The following GMFG variants were observed in gnomAD, a reference collection of about 807,000 sequenced individuals.
GMFG encodes the protein glia maturation factor gamma.
Under a neutral mutation model 26.1 loss-of-function variants are expected in GMFG, and 21 were observed. The observed-to-expected ratio is 0.80, with a 90% CI of 0.57 to 1.16. GMFG has a LOEUF of 1.16. Among genes scored for constraint, GMFG ranks in the 50% most tolerant of loss-of-function variants. The probability of loss-of-function intolerance (pLI) is 0.00; values close to 1 mark genes in which losing one functional copy is unlikely to be tolerated. For missense variants in GMFG, 161 were observed against 178.3 expected, an observed-to-expected ratio of 0.90 and a Z score of 0.55; for synonymous variants, 65 against 60.8, an observed-to-expected ratio of 1.07 and a Z score of -0.32.
At position 39,328,365 on chromosome 19, in the gene GMFG, T is replaced by A; in HGVS notation, c.*112A>T. The stretch of plus-strand genomic sequence containing the variant: ...TGAGTCCAAACTGAGGATCTCCGAG[T>A]TTTTGCATTTTAAAATTTATTTAAA... On this transcript the variant is annotated 3_prime_UTR_variant, in exon 7 of 7. Transcript: ENST00000597595. 1.4e-6 allele frequency: 1 copy of A among 737,838 alleles called. No homozygotes were observed. The highest frequency in any genetic ancestry group is 1.5e-5 in the South Asian group (1 of 66,914). 45.7% of individuals were successfully genotyped at this position (737,838 alleles called of 1,614,324 possible).
intron 4 of GMFG, among the ~76,000 whole-genome samples, chr19:39,330,711 C>T (rs1002636432): frequency 2.0e-5 from 3 of 151,900 alleles, no homozygotes; most frequent in Non-Finnish European, 4.4e-5. Context: ...ATCCTCCTGC[C>T]TCAGCCCCCC....
chr19:39,332,856 A>G (rs2075232448), intron 4 of GMFG: 1 of 319,920 alleles, frequency 3.1e-6, no homozygotes, highest in Non-Finnish European at 6.0e-6. Context: ...ACGGGATTTC[A>G]CCATGTTGGT....
At chr19:39,328,950 G>A (rs769909730) in intron 6 of GMFG, 50 bp downstream of exon 6, 1 of 1,299,496 alleles carries the variant, frequency 7.7e-7, no homozygotes, top group Non-Finnish European at 1.1e-6. Flanking sequence ...TCAGACCCAG[G>A]ACCCACACCA....
At chr19:39,332,213 C>G (rs1424879364) in intron 4 of GMFG, among the ~76,000 whole-genome samples, 1 of 151,804 alleles carries the variant, frequency 6.6e-6, no homozygotes, top group African/African-American at 2.4e-5. Context: ...CCCTGTAATC[C>G]CAGCTACTCA....
chr19:39,332,012 C>T (rs1056352173), intron 4 of GMFG, among the ~76,000 whole-genome samples: 5 of 151,256 alleles, frequency 3.3e-5, no homozygotes, highest in Non-Finnish European at 7.4e-5. Flanking sequence ...CAGGCACATG[C>T]CACCATGCCT....
chr19:39,335,438 T>C lies in GMFG; in HGVS notation c.97A>G (p.Ile33Val), dbSNP rs1230538879. Residue 33 changes from isoleucine (I) to valine (V), a missense_variant, in exon 2 of 7, where the codon ATA becomes GTA. Transcript: ENST00000597595. Reference sequence around the variant, plus strand: ...TGTGGGGGAAGATGTCACTCACTTATGATGGCTGCATTGTCTGTCTCTTTT... The same window carrying C: ...TGTGGGGGAAGATGTCACTCACTTACGATGGCTGCATTGTCTGTCTCTTTT... ...FRKETDNAAI[I>V]MKVDKDRQMV... is the part of the protein sequence containing the mutation. 1.2e-6 allele frequency: 2 copies of C among 1,611,636 alleles called. No homozygotes were observed. Among genetic ancestry groups the C allele is most frequent in the South Asian group, 2.2e-5 (2 of 91,044 alleles).
chr19:39,330,402 GTCTC>G (rs2075221687), intron 4 of GMFG, among the ~76,000 whole-genome samples: 1 of 151,948 alleles, frequency 6.6e-6, no homozygotes, highest in African/African-American at 2.4e-5. Flanking sequence ...TTCTTTTGTA[GTCTC>G]TCTCTAGACT....
At chr19:39,331,149 C>T (rs766843444) in intron 4 of GMFG, among the ~76,000 whole-genome samples, 3 of 152,164 alleles carry the variant, frequency 2.0e-5, no homozygotes, top group Non-Finnish European at 4.4e-5. Context: ...CAAGGGGTGC[C>T]TTCTGGACCC....
rs563938601 is a variant in GMFG, at chr19:39,336,037, C to A, written c.-61G>T. The stretch of plus-strand genomic sequence containing the variant: ...TCCGCTGTCTTCTAGGCGTGGGGAC[C>A]GGGGCTGTAGGGGGGCGGGCTGTGC... On this transcript the variant is annotated 5_prime_UTR_variant, in exon 1 of 7. Coordinates refer to ENST00000597595, the MANE Select transcript of GMFG (RefSeq NM_004877.4). 4 of 1,442,712 alleles carry A rather than the reference C, an allele frequency of 2.8e-6. No homozygotes were observed. Among genetic ancestry groups the A allele is most frequent in the Non-Finnish European group, 3.9e-6 (4 of 1,024,794 alleles). 89.4% of individuals were successfully genotyped at this position (1,442,712 alleles called of 1,614,324 possible). A position where few individuals can be genotyped will look rare whatever the true frequency, so the allele number is the denominator to read the frequency against.
chr19:39,328,763 C>A, intron 6 of GMFG: 1 of 609,746 alleles, frequency 1.6e-6, no homozygotes, highest in Non-Finnish European at 2.9e-6. Flanking sequence ...CCTGTCGTCC[C>A]ACTACTTGGG....
chr19:39,334,968 G>A (rs2075243026), intron 3 of GMFG, among the ~76,000 whole-genome samples: 1 of 152,088 alleles, frequency 6.6e-6, no homozygotes, highest in Admixed American at 6.5e-5. Context: ...TCCTGCCTCG[G>A]CCTCCCAAGT....
chr19:39,329,118 G>A (rs545929545), intron 5 of GMFG, 45 bp from the exon 6 acceptor site: 149 of 1,374,116 alleles, frequency 1.1e-4, no homozygotes, highest in African/African-American at 6.8e-4. Context: ...GGACCCAGGC[G>A]TGTTCTCTAA....
intron 4 of GMFG, among the ~76,000 whole-genome samples, chr19:39,332,127 G>A (rs566823735): frequency 6.6e-6 from 1 of 152,026 alleles, no homozygotes; most frequent in South Asian, 2.1e-4. Context: ...GATCACCTGA[G>A]GTTAGGAGTT....
chr19:39,333,502 C>T (rs1169247409), intron 3 of GMFG, among the ~76,000 whole-genome samples: 2 of 151,346 alleles, frequency 1.3e-5, no homozygotes, highest in Non-Finnish European at 2.9e-5. Flanking sequence ...ATTGCTTGAA[C>T]CCGGGAGGCG....
intron 6 of GMFG, 67 bp from the exon 7 acceptor site, chr19:39,328,615 C>T: frequency 1.7e-6 from 2 of 1,208,080 alleles, no homozygotes; most frequent in Middle Eastern, 2.0e-4. Context: ...GGCACGGTGG[C>T]TCACCTGTAA....
At chr19:39,329,191 G>C in intron 5 of GMFG, 118 bp from the exon 6 acceptor site, 1 of 692,704 alleles carries the variant, frequency 1.4e-6, no homozygotes. Context: ...CTTCTAAGGA[G>C]GTCCCTGCAC....
At chr19:39,329,989 G>T (rs545399221) in intron 4 of GMFG, among the ~76,000 whole-genome samples, 3 of 152,242 alleles carry the variant, frequency 2.0e-5, no homozygotes, top group Admixed American at 6.5e-5. Context: ...TGAGGCAGGA[G>T]AATCGCTTGA....
At chr19:39,329,487 A>AAC (rs750946002) in intron 5 of GMFG, 57 bp downstream of exon 5, 34 of 996,990 alleles carry the variant, frequency 3.4e-5, no homozygotes, top group Admixed American at 2.4e-4. Context: ...TTTACACACA[A>AAC]ACACACACAC....
chr19:39,334,630 T>C (rs1412281112), intron 3 of GMFG, among the ~76,000 whole-genome samples: 3 of 152,106 alleles, frequency 2.0e-5, no homozygotes, highest in Non-Finnish European at 4.4e-5. Flanking sequence ...TTATCATCAT[T>C]ATTAAGATCA....
Sources: gnomAD v4.1 joint callset for allele counts (sites outside exome capture counted in the v4.1 genomes callset) on GRCh38, gnomAD v4.1.1 for gene constraint, MANE v1.5 for transcripts, NCBI Gene and HGNC (gene_info 2026-07-23, HGNC 2026-07-21) for gene names.